DDX31: variants seen among roughly 807,000 people sequenced by gnomAD.
DDX31 encodes DEAD-box helicase 31.
DDX31 carries 70 observed loss-of-function variants against 91.3 expected under a neutral mutation model. The observed-to-expected ratio is 0.77, with a 90% CI of 0.63 to 0.94. The LOEUF is 0.94. Ranked by LOEUF, DDX31 falls within the 40% of genes least tolerant of loss-of-function variation. The pLI, the probability that DDX31 is intolerant of heterozygous loss-of-function variation, is 0.00. For synonymous variants in DDX31, 362 were observed against 350.6 expected (o/e 1.03, Z -0.36); for missense variants, 902 against 925.0 (o/e 0.98, Z 0.32).
At chr9:132,658,384 G>C (rs1300884181) in intron 6 of DDX31, 4 of 702,952 alleles carry the variant, frequency 5.7e-6, no homozygotes, top group Non-Finnish European at 1.0e-5. Context: ...GGAGAGAGCA[G>C]TTAAAGATTC....
rs369976336 is a variant in DDX31, at chr9:132,625,744, C to T, written c.1633G>A (p.Val545Ile). The T allele has an allele frequency of 2.1e-5, 34 of 1,612,894 alleles. 1 individual carries two copies. The highest frequency in any genetic ancestry group is 1.4e-4 in the South Asian group (13 of 90,740). ...ATATCTTCCATCTTAATCTCAGAAA[C>T]GCTGTAAAAGGAAGGGCACAGCAAG... ...VNSLASHKIN[V>I]SEIKMEDILC... is the part of the protein sequence containing the mutation. Residue 545 changes from valine (V) to isoleucine (I), a missense_variant and splice_region_variant, in exon 17 of 20, where the codon GTT becomes ATT. Transcript: ENST00000372159.
intron 16 of DDX31, among the ~76,000 whole-genome samples, chr9:132,626,763 GTC>G (rs1488399066): frequency 7.2e-5 from 11 of 151,806 alleles, no homozygotes; most frequent in African/African-American, 2.7e-4. Flanking sequence ...AAAATGCCAC[GTC>G]TCTGACAGCG....
Position 132,645,834 on chromosome 9 carries a change from T to C in DDX31, c.1380+61A>G. Reference sequence around the variant, plus strand: ...AAAGACCAGGTTTGCCGGACTCAGGTTCGCCCCCATCTCCACGTGGGGCCG... The same window carrying C: ...AAAGACCAGGTTTGCCGGACTCAGGCTCGCCCCCATCTCCACGTGGGGCCG... On this transcript the variant is annotated intron_variant, in intron 13 of 19. Transcript: ENST00000372159. 2.6e-6 allele frequency: 4 copies of C among 1,534,068 alleles called. No homozygotes were observed. The African/African-American group carries it at 4.1e-5, about 16-fold the overall frequency.
chr9:132,633,032 C>G (rs1429809688), intron 14 of DDX31, among the ~76,000 whole-genome samples: 1 of 152,160 alleles, frequency 6.6e-6, no homozygotes, highest in Non-Finnish European at 1.5e-5. Context: ...TACTACCCAC[C>G]ACACACTGCG....
At chr9:132,635,332 T>C (rs1833038434) in intron 14 of DDX31, among the ~76,000 whole-genome samples, 1 of 152,174 alleles carries the variant, frequency 6.6e-6, no homozygotes, top group South Asian at 2.1e-4. Context: ...TCTGTACTGT[T>C]ACCTTGATGA....
intron 13 of DDX31, 62 bp from the exon 14 acceptor site, chr9:132,642,125 T>A: frequency 6.9e-7 from 1 of 1,442,592 alleles, no homozygotes; most frequent in Non-Finnish European, 9.7e-7. Flanking sequence ...AAGGTAGGCT[T>A]ACATCTCCCT....
Position 132,630,284 on chromosome 9 carries a change from C to T in DDX31, c.1611G>A (p.Ser537=), listed in dbSNP as rs199790657. ...CTCACTTGATTTTGTGAGAAGCCAACGAGTTGACATATTCTGCCTCCGAAG... is the reference window on the plus strand; with the variant it reads ...CTCACTTGATTTTGTGAGAAGCCAATGAGTTGACATATTCTGCCTCCGAAG... ...LAPSEAEYVN[S]LASHKINVSE... Residue 537 remains serine (S), a synonymous_variant, in exon 16 of 20, where the codon TCG becomes TCA. Transcript: ENST00000372159. 14 of 1,578,650 alleles carry T rather than the reference C, an allele frequency of 8.9e-6. No individual in the cohort carries two copies. Among genetic ancestry groups the T allele is most frequent in the African/African-American group, 5.4e-5 (4 of 74,458 alleles).
intron 6 of DDX31, 133 bp from the exon 7 acceptor site, chr9:132,652,625 C>A: frequency 8.7e-7 from 1 of 1,149,676 alleles, no homozygotes; most frequent in Non-Finnish European, 1.3e-6. Flanking sequence ...AATAAGGTTG[C>A]CCACTGATGT....
rs760794622 is a variant in DDX31, at chr9:132,652,443, C to T, written c.633+5G>A. The T allele has an allele frequency of 1.5e-5, 25 of 1,614,042 alleles. No homozygotes were observed. The African/African-American group carries it at 2.7e-4, about 17-fold the overall frequency. On this transcript the variant is annotated splice_donor_5th_base_variant and intron_variant, in intron 7 of 19. Coordinates refer to ENST00000372159, the MANE Select transcript of DDX31 (RefSeq NM_022779.9). ...AAAACTTGTCCCAAAAGGGAGCCTG[C>T]TTACCTCTCTCGTTGGCACGAGCAC... is the stretch of plus-strand genomic sequence containing the variant.
At chr9:132,602,435 G>A (rs58931250) in intron 19 of DDX31, among the ~76,000 whole-genome samples, 110 of 152,182 alleles carry the variant, frequency 7.2e-4, no homozygotes, top group African/African-American at 2.3e-3. Context: ...ACTGAGCTAA[G>A]GCTGCACATT....
At chr9:132,660,483 A>G (rs1834865436) in intron 4 of DDX31, among the ~76,000 whole-genome samples, 1 of 152,192 alleles carries the variant, frequency 6.6e-6, no homozygotes. Flanking sequence ...AGCAGGAGGA[A>G]GCTCGCCAAC....
At chr9:132,653,220 G>C (rs1834326521) in intron 6 of DDX31, among the ~76,000 whole-genome samples, 1 of 151,964 alleles carries the variant, frequency 6.6e-6, no homozygotes, top group East Asian at 1.9e-4. Flanking sequence ...ATAGCCAGGT[G>C]CAGTGGCTCA....
rs1380447630 is a variant in DDX31 at position 132,595,185 on chromosome 9, A to G, written c.1995-73T>C. 10 of 1,550,254 alleles carry G rather than the reference A, an allele frequency of 6.5e-6. No homozygotes were observed. Among genetic ancestry groups the G allele is most frequent in the Non-Finnish European group, 7.0e-6 (8 of 1,147,424 alleles). On this transcript the variant is annotated intron_variant, in intron 19 of 19. Transcript: ENST00000372159. This position sits in a 1 kb window ranked among gnomAD's most constrained non-coding sequence, Gnocchi z 4.6. ...CTTTCCCATTTGGAAAGAGGCTGAT[A>G]GCAGCTGGTTCTGAGACTGTGAAGC...
intron 7 of DDX31, among the ~76,000 whole-genome samples, chr9:132,651,373 C>T (rs1272494724): frequency 6.6e-6 from 1 of 152,150 alleles, no homozygotes; most frequent in Admixed American, 6.5e-5. Flanking sequence ...CCTCTGCTGG[C>T]TCAAATTCCC....
chr9:132,612,185 G>A lies in DDX31; in HGVS notation c.1896C>T (p.Ser632=), dbSNP rs769152913. The A allele has an allele frequency of 2.5e-6, 4 of 1,614,202 alleles. No individual in the cohort carries two copies. In the South Asian group the frequency reaches 4.4e-5, roughly 18 times the overall value. The change falls in exon 19 of 20, where the codon TCC becomes TCT. Residue 632 remains serine (S), a synonymous_variant. Transcript: ENST00000372159. ...RELKHIFHVR[S]LHLGHVAKSF... ...TCTTCGCCACATGCCCAAGGTGGAG[G>A]GATCGGACGTGGAAGATGTGCTTCA...
Position 132,612,488 on chromosome 9 carries a change from C to T in DDX31, c.1826-233G>A, listed in dbSNP as rs7847643. On this transcript the variant is annotated intron_variant, in intron 18 of 19. Transcript: ENST00000372159. ...GCCACAATTATTACTTGAATATGCC[C>T]GATAAAATATCAGATTTGACCACAC... Among the ~76,000 whole-genome samples the T allele has an allele frequency of 0.17, 25,536 of 152,104 alleles. 2,749 individuals carry two copies. The highest frequency in any genetic ancestry group is 0.3 in the African/African-American group (12,373 of 41,440).
Position 132,662,638 on chromosome 9 carries a change from G to C in DDX31, c.133C>G (p.Arg45Gly). The stretch of plus-strand genomic sequence containing the variant: ...GGGAGAAATGAAGTTTCGTTCCTCC[G>C]TTTCGCTGGGGGAGCCTCACTGGAC... Reference protein sequence around the residue: ...QASSEAPPAKRRNETSFLPAK... With the variant: ...QASSEAPPAKGRNETSFLPAK... Residue 45 changes from arginine to glycine, a missense_variant, in exon 2 of 20, where the codon CGG becomes GGG. Arg to Gly is a moderately radical substitution (Grantham distance 125). Transcript: ENST00000372159. 1.9e-6 allele frequency: 3 copies of C among 1,614,138 alleles called. No homozygotes were observed. The highest frequency in any genetic ancestry group is 2.5e-6 in the Non-Finnish European group (3 of 1,180,032).
chr9:132,656,269 C>A (rs1834557318), intron 6 of DDX31, among the ~76,000 whole-genome samples: 1 of 152,136 alleles, frequency 6.6e-6, no homozygotes, highest in Admixed American at 6.5e-5. Context: ...CTCCAAGGGA[C>A]TATATTATTA....
chr9:132,656,192 T>C (rs1834552413), intron 6 of DDX31, among the ~76,000 whole-genome samples: 1 of 152,144 alleles, frequency 6.6e-6, no homozygotes, highest in Admixed American at 6.5e-5. Context: ...TAAGGATCTG[T>C]TGGGTGCCTT....
Sources: allele counts gnomAD v4.1 joint callset (sites outside exome capture counted in the v4.1 genomes callset), GRCh38; gene constraint gnomAD v4.1.1; non-coding constraint Gnocchi (gnomAD v3.1); transcripts MANE v1.5; gene names NCBI Gene and HGNC (gene_info 2026-07-23, HGNC 2026-07-21).